The following COL21A1 variants were observed in gnomAD, a reference collection of about 807,000 sequenced individuals.
The protein encoded by COL21A1 is collagen type XXI alpha 1 chain, also known as collagen alpha-1(XXI) chain.
Under a neutral mutation model 137.9 loss-of-function variants are expected in COL21A1, and 149 were observed. That is an observed-to-expected ratio of 1.08 (90% CI 0.95 to 1.24). The LOEUF (loss-of-function observed/expected upper bound fraction) is 1.24. Among genes scored for constraint, COL21A1 ranks in the 50% most tolerant of loss-of-function variants. The pLI, the probability that COL21A1 is intolerant of heterozygous loss-of-function variation, is 0.00. For missense variants in COL21A1, 1,167 were observed against 1,158.4 expected, an observed-to-expected ratio of 1.01 and a Z score of -0.11; for synonymous variants, 456 against 391.5, an observed-to-expected ratio of 1.16 and a Z score of -1.95.
At chr6:56,060,475 T>C (rs1212904795) in intron 27 of COL21A1, 2 of 490,258 alleles carry the variant, frequency 4.1e-6, no homozygotes, top group Non-Finnish European at 7.0e-6. Context: ...ACTATATTCA[T>C]ATTTATGAAC....
intron 16 of COL21A1, among the ~76,000 whole-genome samples, chr6:56,102,656 A>C (rs545802240): frequency 1.3e-5 from 2 of 152,322 alleles, no homozygotes; most frequent in East Asian, 3.9e-4. Flanking sequence ...TAGAAAATAA[A>C]GCACAGAAGC....
chr6:56,320,159 G>A (rs1764831165), intron 1 of COL21A1, among the ~76,000 whole-genome samples: 1 of 152,002 alleles, frequency 6.6e-6, no homozygotes, highest in South Asian at 2.1e-4. Context: ...ACAATAAATA[G>A]CAACTCCATC....
chr6:56,125,720 A>G, intron 13 of COL21A1, 100 bp from the exon 14 acceptor site: 1 of 686,590 alleles, frequency 1.5e-6, no homozygotes. Flanking sequence ...AATATGCCAA[A>G]AGCAAAACAA....
intron 1 of COL21A1, among the ~76,000 whole-genome samples, chr6:56,291,455 C>A (rs1424811288): frequency 1.3e-5 from 2 of 152,214 alleles, no homozygotes; most frequent in Non-Finnish European, 2.9e-5. Flanking sequence ...TGCAAACAGG[C>A]GGATGCCTTC....
At chr6:56,289,712 T>A (rs1763996291) in intron 1 of COL21A1, among the ~76,000 whole-genome samples, 1 of 152,196 alleles carries the variant, frequency 6.6e-6, no homozygotes, top group Non-Finnish European at 1.5e-5. Flanking sequence ...AGTCATTGAT[T>A]ACCTGATAGG....
intron 1 of COL21A1, among the ~76,000 whole-genome samples, chr6:56,233,742 G>C (rs1048756130): frequency 1.0e-5 from 1 of 98,884 alleles, no homozygotes; most frequent in African/African-American, 3.8e-5. Flanking sequence ...GCTTGAATAG[G>C]CAAAAAAAAA....
chr6:56,306,793 G>A, intron 1 of COL21A1, among the ~76,000 whole-genome samples: 1 of 151,894 alleles, frequency 6.6e-6, no homozygotes. Context: ...GAGGAGGAGA[G>A]GTGCTCTGAT....
At chr6:56,185,346 T>C (rs979721166) in intron 1 of COL21A1, among the ~76,000 whole-genome samples, 1 of 150,228 alleles carries the variant, frequency 6.7e-6, no homozygotes, top group African/African-American at 2.4e-5. Flanking sequence ...AATAATTGCC[T>C]AAGTCAGTAT....
chr6:56,301,633 C>A (rs1353456540), intron 1 of COL21A1, among the ~76,000 whole-genome samples: 1 of 152,156 alleles, frequency 6.6e-6, no homozygotes, highest in Non-Finnish European at 1.5e-5. Flanking sequence ...ACAGAGATTA[C>A]CACTTCACCC....
intron 7 of COL21A1, among the ~76,000 whole-genome samples, chr6:56,166,470 G>T (rs1776587970): frequency 6.6e-6 from 1 of 152,082 alleles, no homozygotes; most frequent in Non-Finnish European, 1.5e-5. Context: ...TGGCCAACAT[G>T]GTGAAACCCT....
intron 10 of COL21A1, among the ~76,000 whole-genome samples, chr6:56,155,870 T>C (rs1414514165): frequency 1.3e-5 from 2 of 152,220 alleles, no homozygotes; most frequent in African/African-American, 2.4e-5. Flanking sequence ...TGTGAATTGC[T>C]GGGATTATAG....
chr6:56,226,523 C>G (rs2152315490), intron 1 of COL21A1, among the ~76,000 whole-genome samples: 1 of 152,114 alleles, frequency 6.6e-6, no homozygotes, highest in African/African-American at 2.4e-5. Flanking sequence ...TCTGGCTTTT[C>G]AAGACAGAAT....
intron 1 of COL21A1, among the ~76,000 whole-genome samples, chr6:56,275,120 T>C (rs1455518030): frequency 6.6e-6 from 1 of 152,120 alleles, no homozygotes; most frequent in East Asian, 1.9e-4. Flanking sequence ...AGGAAAGGAC[T>C]CCCTATTCAG....
intron 1 of COL21A1, among the ~76,000 whole-genome samples, chr6:56,332,381 A>G (rs1017058106): frequency 7.2e-5 from 11 of 152,018 alleles, no homozygotes; most frequent in Admixed American, 5.3e-4. Flanking sequence ...ACTATATTAG[A>G]GGATCACTAA....
At chr6:56,271,748 G>A (rs1763531149) in intron 1 of COL21A1, among the ~76,000 whole-genome samples, 1 of 152,198 alleles carries the variant, frequency 6.6e-6, no homozygotes, top group African/African-American at 2.4e-5. Context: ...CCTCTGTGCA[G>A]CTTCAGGACT....
intron 1 of COL21A1, among the ~76,000 whole-genome samples, chr6:56,292,459 A>G (rs1275438119): frequency 1.4e-5 from 2 of 140,404 alleles, no homozygotes; most frequent in East Asian, 4.7e-4. Context: ...AAGTCCAGGC[A>G]TTAAGTTTTT....
chr6:56,176,152 T>C (rs1396037961), intron 3 of COL21A1, among the ~76,000 whole-genome samples: 1 of 152,148 alleles, frequency 6.6e-6, no homozygotes, highest in African/African-American at 2.4e-5. Context: ...AAACATAAGA[T>C]CTGAAACTAT....
chr6:56,392,826 T>C (rs547500337), intron 1 of COL21A1, among the ~76,000 whole-genome samples: 17 of 152,042 alleles, frequency 1.1e-4, no homozygotes, highest in African/African-American at 3.9e-4. Context: ...CTATAAAACA[T>C]TGATAAAAGA....
chr6:56,164,846 T>C (rs757604098), intron 7 of COL21A1, 24 bp from the exon 8 acceptor site: 4 of 1,449,424 alleles, frequency 2.8e-6, no homozygotes, highest in Non-Finnish European at 2.8e-6. Flanking sequence ...AACAAATGTG[T>C]TTTAAAATGT....
Sources: gnomAD v4.1 joint callset for allele counts (sites outside exome capture counted in the v4.1 genomes callset) on GRCh38, gnomAD v4.1.1 for gene constraint, MANE v1.5 for transcripts, NCBI Gene and HGNC (gene_info 2026-07-23, HGNC 2026-07-21) for gene names.